ZSCAN5A: variants seen among roughly 807,000 people sequenced by gnomAD.
ZSCAN5A encodes zinc finger and SCAN domain containing 5A.
In ZSCAN5A, 12 loss-of-function variants were observed where a neutral mutation model predicts 23.7. That is an observed-to-expected ratio of 0.51 (90% CI 0.32 to 0.82). The LOEUF is 0.82. Among genes scored for constraint, ZSCAN5A ranks in the 40% least tolerant of loss-of-function variants. The pLI, the probability that ZSCAN5A is intolerant of heterozygous loss-of-function variation, is 0.03. For missense variants in ZSCAN5A, 597 were observed against 617.9 expected, an observed-to-expected ratio of 0.97 and a Z score of 0.36; for synonymous variants, 257 against 239.9, an observed-to-expected ratio of 1.07 and a Z score of -0.66.
At chr19:56,362,157 C>CAAAA (rs71184352) in intron 2 of ZSCAN5A, among the ~76,000 whole-genome samples, 2 of 91,052 alleles carry the variant, frequency 2.2e-5, no homozygotes, top group Non-Finnish European at 2.4e-5. Context: ...GACTCCGTCT[C>CAAAA]AAAAAAAAAA....
intron 2 of ZSCAN5A, among the ~76,000 whole-genome samples, chr19:56,236,803 C>G (rs1387426671): frequency 6.7e-6 from 1 of 149,362 alleles, no homozygotes; most frequent in Admixed American, 6.6e-5. Context: ...CCATTCCAGC[C>G]TCTGATGGAC....
chr19:56,359,953 C>T (rs962984101), intron 2 of ZSCAN5A, among the ~76,000 whole-genome samples: 4 of 152,174 alleles, frequency 2.6e-5, no homozygotes, highest in Middle Eastern at 3.4e-3. Flanking sequence ...TATGACAAAC[C>T]GACAGCCAGT....
intron 2 of ZSCAN5A, among the ~76,000 whole-genome samples, chr19:56,274,017 G>C (rs559739342): frequency 1.3e-5 from 2 of 152,190 alleles, no homozygotes; most frequent in East Asian, 1.9e-4. Flanking sequence ...AGAAGGTTAC[G>C]AGGCACTGAG....
chr19:56,340,903 T>TAA (rs2041587604), intron 2 of ZSCAN5A: 1 of 152,226 alleles, frequency 6.6e-6, no homozygotes, highest in African/African-American at 2.4e-5. Context: ...TGAAAAGATC[T>TAA]TCTTGTGAAC....
intron 2 of ZSCAN5A, among the ~76,000 whole-genome samples, chr19:56,240,188 A>C (rs548044262): frequency 1.8e-4 from 27 of 149,912 alleles, no homozygotes; most frequent in Admixed American, 7.9e-4. Context: ...AGAAAAAAAA[A>C]CCCATAAAAC....
chr19:56,251,356 C>A (rs547465219), intron 2 of ZSCAN5A, among the ~76,000 whole-genome samples: 1 of 151,964 alleles, frequency 6.6e-6, no homozygotes, highest in African/African-American at 2.4e-5. Flanking sequence ...GGACTTTTGG[C>A]CTTTATCCAC....
chr19:56,319,847 A>G, intron 2 of ZSCAN5A: 1 of 785,144 alleles, frequency 1.3e-6, no homozygotes, highest in East Asian at 2.4e-5. Flanking sequence ...AGTTTTCATT[A>G]GTATAAAGAG....
At chr19:56,362,335 G>A (rs920269745) in intron 2 of ZSCAN5A, among the ~76,000 whole-genome samples, 1 of 152,128 alleles carries the variant, frequency 6.6e-6, no homozygotes, top group Non-Finnish European at 1.5e-5. Context: ...GGGAGGCCAA[G>A]GTGGGCAGAT....
At chr19:56,317,188 A>G (rs2041326236), upstream of ZSCAN5A, 4 of 152,294 alleles carry the variant, frequency 2.6e-5, 1 homozygote, top group Admixed American at 1.3e-4. Context: ...GGAGGATCAC[A>G]TAGCACTTGG....
At chr19:56,320,152 C>A in intron 2 of ZSCAN5A, 2 of 731,610 alleles carry the variant, frequency 2.7e-6, no homozygotes, top group South Asian at 1.4e-5. Flanking sequence ...TAGTCTGTTT[C>A]ATAATATAGA....
chr19:56,346,293 T>G (rs1044880516), intron 2 of ZSCAN5A, among the ~76,000 whole-genome samples: 6 of 152,146 alleles, frequency 3.9e-5, no homozygotes, highest in Non-Finnish European at 8.8e-5. Context: ...AGTGCTCTGA[T>G]GGTAACAAGA....
At chr19:56,346,358 A>G (rs1393780808) in intron 2 of ZSCAN5A, among the ~76,000 whole-genome samples, 1 of 152,136 alleles carries the variant, frequency 6.6e-6, no homozygotes, top group Non-Finnish European at 1.5e-5. Context: ...TCCCCAACTC[A>G]GTTACTTATC....
chr19:56,329,725 C>T (rs2041472345), intron 2 of ZSCAN5A, among the ~76,000 whole-genome samples: 1 of 152,116 alleles, frequency 6.6e-6, no homozygotes, highest in Admixed American at 6.6e-5. Flanking sequence ...TTTACTTTCT[C>T]ACATCTTGGT....
chr19:56,224,932 C>T lies in ZSCAN5A; in HGVS notation c.115G>A (p.Asp39Asn). The T allele has an allele frequency of 6.2e-7, 1 of 1,614,196 alleles. No individual in the cohort carries two copies. Among genetic ancestry groups the T allele is most frequent in the South Asian group, 1.1e-5 (1 of 91,072 alleles). Residue 39 changes from aspartate (D) to asparagine (N), a missense_variant, in exon 3 of 6, where the codon GAC (aspartate) becomes AAC (asparagine). By Grantham distance (23) the Asp-to-Asn change is conservative (BLOSUM62 1). This residue lies in a region of ZSCAN5A where 72 missense variants were observed against 76.8 expected (regional missense o/e 0.94). Coordinates refer to ENST00000683990, the MANE Select transcript of ZSCAN5A (RefSeq NM_001322064.3). ...SETQLGNHDVDPEISHVNFRM... is the reference protein window; with the variant it reads ...SETQLGNHDVNPEISHVNFRM... Reference sequence around the variant, plus strand: ...AAGTTCACGTGAGAAATCTCAGGGTCCACGTCGTGATTTCCAAGTTGAGTT... The same window carrying T: ...AAGTTCACGTGAGAAATCTCAGGGTTCACGTCGTGATTTCCAAGTTGAGTT...
At chr19:56,245,366 G>A in intron 2 of ZSCAN5A, 1 of 751,964 alleles carries the variant, frequency 1.3e-6, no homozygotes, top group Non-Finnish European at 2.5e-6. Context: ...TCCGGGGGAA[G>A]GCCAGGCCAG....
At chr19:56,246,997 C>G (rs1157709096) in intron 2 of ZSCAN5A, 1 of 1,265,858 alleles carries the variant, frequency 7.9e-7, no homozygotes, top group Non-Finnish European at 1.2e-6. Context: ...AGTTTATTCC[C>G]CAGGCCCTGC....
chr19:56,276,207 G>A (rs944005838), intron 2 of ZSCAN5A, among the ~76,000 whole-genome samples: 5 of 152,192 alleles, frequency 3.3e-5, no homozygotes, highest in African/African-American at 1.2e-4. Context: ...GGGGAAGGGT[G>A]GCACTTGGAT....
In ZSCAN5A at chr19:56,222,061, GGAAT is replaced by G; in HGVS notation, c.1001_1004del (p.His334ProfsTer37). ...GACTGACTGGGCTCGCAGGGCCTGG[GGAAT>G]GAATTGAATTCATCCCAGCTTGTCC... On this transcript the variant is annotated frameshift_variant, in exon 6 of 6. Transcript: ENST00000683990. LOFTEE classifies it low-confidence loss of function (END_TRUNC). 6.2e-7 allele frequency: 1 copy of G among 1,614,142 alleles called. No individual in the cohort carries two copies. The highest frequency in any genetic ancestry group is 8.5e-7 in the Non-Finnish European group (1 of 1,180,028).
intron 4 of ZSCAN5A, 45 bp from the exon 5 acceptor site, chr19:56,222,786 G>A: frequency 6.2e-7 from 1 of 1,613,440 alleles, no homozygotes; most frequent in Non-Finnish European, 8.5e-7. Flanking sequence ...GTCCAAACTG[G>A]TGGAAGCAGG....
Sources: gnomAD v4.1 joint callset for allele counts (sites outside exome capture counted in the v4.1 genomes callset) on GRCh38, gnomAD v4.1.1 for gene constraint, gnomAD v4.1.1 regional missense constraint, MANE v1.5 for transcripts, NCBI Gene and HGNC (gene_info 2026-07-23, HGNC 2026-07-21) for gene names.